PRKCE: variants seen among roughly 807,000 people sequenced by gnomAD.
PRKCE encodes protein kinase C epsilon, also known as protein kinase C epsilon type.
PRKCE carries 16 observed loss-of-function variants against 85.4 expected under a neutral mutation model. That is an observed-to-expected ratio of 0.19 (90% CI 0.13 to 0.28). The LOEUF is 0.28. PRKCE is among the 10% of genes least tolerant of loss of function. The pLI is 1.00. For missense variants in PRKCE, 573 were observed against 975.2 expected (o/e 0.59, Z 5.49); for synonymous variants, 388 against 371.5 (o/e 1.04, Z -0.51).
At chr2:45,679,566 G>C (rs193258198) in intron 1 of PRKCE, among the ~76,000 whole-genome samples, 1 of 152,334 alleles carries the variant, frequency 6.6e-6, no homozygotes, top group Non-Finnish European at 1.5e-5. Context: ...AGGAGGTCAA[G>C]CTCATGGGTG....
chr2:45,879,480 C>T (rs1418176215), intron 2 of PRKCE, among the ~76,000 whole-genome samples: 2 of 152,208 alleles, frequency 1.3e-5, no homozygotes, highest in African/African-American at 4.8e-5. Flanking sequence ...GCAGAGGGTC[C>T]ACTGAGCTAT....
chr2:45,843,345 G>A (rs558393727), intron 2 of PRKCE, among the ~76,000 whole-genome samples: 53 of 152,352 alleles, frequency 3.5e-4, no homozygotes, highest in African/African-American at 1.2e-3. Flanking sequence ...CAGTGGCAGG[G>A]CAGCCTCTCC....
At chr2:45,672,857 T>C (rs1374998991) in intron 1 of PRKCE, among the ~76,000 whole-genome samples, 1 of 152,072 alleles carries the variant, frequency 6.6e-6, no homozygotes, top group Non-Finnish European at 1.5e-5. Flanking sequence ...AGAGCCAGTC[T>C]CTAAAAAAAT....
intron 10 of PRKCE, among the ~76,000 whole-genome samples, chr2:46,049,099 A>C (rs1447288344): frequency 6.6e-6 from 1 of 152,150 alleles, no homozygotes; most frequent in African/African-American, 2.4e-5. Flanking sequence ...CATAGTCAGA[A>C]TTGAAAGGCA....
intron 14 of PRKCE, among the ~76,000 whole-genome samples, chr2:46,171,905 C>T (rs1007512459): frequency 1.3e-5 from 2 of 152,222 alleles, no homozygotes; most frequent in Non-Finnish European, 2.9e-5. Context: ...TGAGGAGTAC[C>T]AGGAAACAGA....
In PRKCE at chr2:46,173,248, C is replaced by G. The variant is rs567589185; in HGVS notation, c.2068-11487C>G. Among the ~76,000 whole-genome samples, 57 of 152,328 alleles carry G rather than the reference C, an allele frequency of 3.7e-4. 1 individual carries two copies. The highest frequency in any genetic ancestry group is 1.2e-3 in the South Asian group (6 of 4,828). ...CAGTGCCCATAAAGTTTTATCGGAA[C>G]ACAGCCACCGTCATTCATTTACACA... On this transcript the variant is annotated intron_variant, in intron 14 of 14. Coordinates refer to ENST00000306156, the MANE Select transcript of PRKCE (RefSeq NM_005400.3).
chr2:46,086,530 G>A (rs1259569731), intron 11 of PRKCE, among the ~76,000 whole-genome samples, 168 bp downstream of exon 11: 1 of 152,156 alleles, frequency 6.6e-6, no homozygotes, highest in Non-Finnish European at 1.5e-5. Flanking sequence ...GTTTATTCCT[G>A]TGAATGTTAG....
chr2:45,924,085 T>C (rs1346064370), intron 2 of PRKCE, among the ~76,000 whole-genome samples: 2 of 152,182 alleles, frequency 1.3e-5, no homozygotes, highest in African/African-American at 4.8e-5. Flanking sequence ...TGATTTGCAG[T>C]CAACAAATGG....
chr2:46,094,807 T>A (rs1670522899), intron 11 of PRKCE, among the ~76,000 whole-genome samples: 1 of 146,578 alleles, frequency 6.8e-6, no homozygotes. Flanking sequence ...AAGTTGAAGT[T>A]AAAAAAAAAA....
intron 2 of PRKCE, among the ~76,000 whole-genome samples, chr2:45,900,400 G>A (rs1696485876): frequency 3.9e-5 from 6 of 152,216 alleles, no homozygotes; most frequent in Admixed American, 3.9e-4. Flanking sequence ...TAAACAAAAT[G>A]TGGTCTATAC....
chr2:45,699,718 G>A (rs1374685637), intron 1 of PRKCE, among the ~76,000 whole-genome samples: 5 of 152,320 alleles, frequency 3.3e-5, no homozygotes, highest in Non-Finnish European at 7.3e-5. Context: ...ATCTGGAGAT[G>A]TGTGTGCACA....
intron 2 of PRKCE, among the ~76,000 whole-genome samples, chr2:45,965,345 A>C (rs983827911): frequency 2.0e-5 from 3 of 152,252 alleles, no homozygotes; most frequent in Admixed American, 6.5e-5. Flanking sequence ...AAAATTACAA[A>C]ATAAAAGGCA....
Position 45,684,467 on chromosome 2 carries a change from C to T in PRKCE, c.348+32019C>T, listed in dbSNP as rs181819212. ...TCTATAGGAAATATATTCTGCCTTG[C>T]GGCATAGCATGCACCATAAGGAGCA... is the stretch of plus-strand genomic sequence containing the variant. On this transcript the variant is annotated intron_variant, in intron 1 of 14. Coordinates refer to ENST00000306156, the MANE Select transcript of PRKCE (RefSeq NM_005400.3). Among the ~76,000 whole-genome samples the T allele has an allele frequency of 6.8e-4, 104 of 152,348 alleles. 2 individuals carry two copies. The highest frequency in any genetic ancestry group is 2.1e-4 in the South Asian group (1 of 4,832).
At chr2:46,165,500 G>A (rs534734526) in intron 14 of PRKCE, among the ~76,000 whole-genome samples, 24 of 152,344 alleles carry the variant, frequency 1.6e-4, no homozygotes, top group Non-Finnish European at 3.1e-4. Context: ...CAAAGCCTTC[G>A]ATGCTGGAGA....
chr2:46,148,879 C>T (rs184960391), intron 12 of PRKCE, among the ~76,000 whole-genome samples: 1 of 152,300 alleles, frequency 6.6e-6, no homozygotes, highest in East Asian at 1.9e-4. Flanking sequence ...GGCTTTGGAG[C>T]ATAGCAGAAT....
At chr2:45,661,403 A>G (rs1675634429) in intron 1 of PRKCE, among the ~76,000 whole-genome samples, 2 of 151,868 alleles carry the variant, frequency 1.3e-5, no homozygotes, top group South Asian at 4.1e-4. Context: ...GGGTGGTCTT[A>G]AACTCCTGAC....
chr2:45,771,206 G>T (rs1297735580), intron 1 of PRKCE, among the ~76,000 whole-genome samples: 1 of 152,184 alleles, frequency 6.6e-6, no homozygotes, highest in African/African-American at 2.4e-5. Context: ...GGCAAAGATG[G>T]TGATGCTAGG....
intron 1 of PRKCE, among the ~76,000 whole-genome samples, chr2:45,744,495 C>CT (rs1682939663): frequency 1.9e-5 from 1 of 53,996 alleles, no homozygotes; most frequent in East Asian, 5.3e-4. Context: ...CTTTTTCTTT[C>CT]TTTCTTTTCT....
intron 6 of PRKCE, among the ~76,000 whole-genome samples, chr2:45,987,335 A>G (rs1337689955): frequency 6.6e-6 from 1 of 152,138 alleles, no homozygotes; most frequent in Non-Finnish European, 1.5e-5. Context: ...TGAGGGCTAG[A>G]AGACGAAGGC....
Sources: allele counts gnomAD v4.1 joint callset (sites outside exome capture counted in the v4.1 genomes callset), GRCh38; gene constraint gnomAD v4.1.1; transcripts MANE v1.5; gene names NCBI Gene and HGNC (gene_info 2026-07-23, HGNC 2026-07-21).